ITPK1: variants seen among roughly 807,000 people sequenced by gnomAD.
ITPK1 encodes inositol-tetrakisphosphate 1-kinase.
In ITPK1, 21 loss-of-function variants were observed where a neutral mutation model predicts 45.3. That is an observed-to-expected ratio of 0.46 (90% CI 0.33 to 0.67). ITPK1 has a LOEUF of 0.67. Ranked by LOEUF, ITPK1 falls within the 30% of genes least tolerant of loss-of-function variation. ITPK1 has a pLI of 0.02. For missense variants in ITPK1, 474 were observed against 573.5 expected (o/e 0.83, Z 1.77); for synonymous variants, 258 against 253.6 (o/e 1.02, Z -0.16).
rs188954931 is a variant in ITPK1, at chr14:93,097,535, C to T, written c.95+17534G>A. On this transcript the variant is annotated intron_variant, in intron 2 of 10. Coordinates refer to ENST00000267615, the MANE Select transcript of ITPK1 (RefSeq NM_014216.6). ...GCAAGACCAGAGCTACGCAGCAAAG[C>T]CCACAGAACTGTGGGATGAAAAAAT... Among the ~76,000 whole-genome samples the T allele has an allele frequency of 2.0e-5, 3 of 152,328 alleles. No homozygotes were observed. The East Asian group carries it at 5.8e-4, about 29-fold the overall frequency.
Position 93,016,523 on chromosome 14 carries a change from C to G in ITPK1, c.246+153G>C, listed in dbSNP as rs56857003. On this transcript the variant is annotated intron_variant, in intron 4 of 10. Coordinates refer to ENST00000267615, the MANE Select transcript of ITPK1 (RefSeq NM_014216.6). The surrounding 1 kb of genome is among the most constrained non-coding windows in gnomAD (Gnocchi z 5.0). ...ACTGACGCCGCACAGAAGTACCTGC[C>G]CACGAGCCCATGTCTTGCCAGTGGC... Among the ~76,000 whole-genome samples, 38,523 of 152,104 alleles carry G rather than the reference C, an allele frequency of 0.25. 5,308 individuals are homozygous for G. Among genetic ancestry groups the G allele is most frequent in the Admixed American group, 0.35 (5,409 of 15,286 alleles).
chr14:92,985,056 AG>A (rs1283755898), intron 5 of ITPK1, among the ~76,000 whole-genome samples: 2 of 152,158 alleles, frequency 1.3e-5, no homozygotes, highest in Non-Finnish European at 2.9e-5. Flanking sequence ...ATGACGCACT[AG>A]GGAGGGACTG....
rs556434751 is a variant in ITPK1 at position 93,076,925 on chromosome 14, C to T, written c.96-306G>A. On this transcript the variant is annotated intron_variant, in intron 2 of 10. Coordinates refer to ENST00000267615, the MANE Select transcript of ITPK1 (RefSeq NM_014216.6). The surrounding 1 kb of genome is among the most constrained non-coding windows in gnomAD (Gnocchi z 4.3). ...CTGTCAGCCGAGCTCCAGCCTGGGT[C>T]GTCCCAAGGCCCCTGCCACCAAGTT... Among the ~76,000 whole-genome samples the T allele has an allele frequency of 2.6e-5, 4 of 152,272 alleles. No individual in the cohort carries two copies. Among genetic ancestry groups the T allele is most frequent in the East Asian group, 3.9e-4 (2 of 5,172 alleles).
intron 2 of ITPK1, among the ~76,000 whole-genome samples, chr14:93,111,258 G>C (rs1024996144): frequency 6.6e-6 from 1 of 152,222 alleles, no homozygotes; most frequent in Non-Finnish European, 1.5e-5. Context: ...AGGAGGAGAG[G>C]AGGAGGCACA....
intron 2 of ITPK1, among the ~76,000 whole-genome samples, chr14:93,082,240 GC>G (rs1891466124): frequency 1.3e-5 from 2 of 152,162 alleles, no homozygotes; most frequent in Admixed American, 6.5e-5. Context: ...GCAGACTGAG[GC>G]CCTGCGCCAG....
At chr14:93,015,502 T>G (rs2139853298) in intron 4 of ITPK1, among the ~76,000 whole-genome samples, 1 of 152,330 alleles carries the variant, frequency 6.6e-6, no homozygotes, top group South Asian at 2.1e-4. Flanking sequence ...ATAAGGAAAC[T>G]GAGGCTCCAC....
rs961882697 is a variant in ITPK1 at position 93,076,598 on chromosome 14, C to T, written c.117G>A (p.Val39=). The T allele has an allele frequency of 1.9e-6, 3 of 1,614,222 alleles. No individual in the cohort carries two copies. The highest frequency in any genetic ancestry group is 3.3e-5 in the Admixed American group (2 of 60,026). Residue 39 remains valine, a synonymous_variant, in exon 3 of 11, where the codon GTG becomes GTA. Transcript: ENST00000267615. The surrounding 1 kb of genome is among the most constrained non-coding windows in gnomAD (Gnocchi z 4.3). ...ELCRKRGMEV[V]QLNLSRPIEE... is the part of the protein sequence containing the mutation. ...CGGGGACGCGGTCTGTACTCACCTG[C>T]ACAACCTCCATCCCTCGCTTCCTGT...
chr14:92,948,481 C>T (rs1235045861), intron 9 of ITPK1, among the ~76,000 whole-genome samples: 4 of 152,010 alleles, frequency 2.6e-5, no homozygotes, highest in Non-Finnish European at 4.4e-5. Flanking sequence ...GGACTACAGG[C>T]GTGTGCCACC....
chr14:93,066,512 C>G (rs1890760551), intron 3 of ITPK1, among the ~76,000 whole-genome samples: 1 of 150,806 alleles, frequency 6.6e-6, no homozygotes, highest in Non-Finnish European at 1.5e-5. Context: ...TCGCGCCATT[C>G]TCCTGCCTCA....
intron 3 of ITPK1, chr14:93,072,107 A>T (rs950979010): frequency 5.3e-5 from 8 of 150,878 alleles, no homozygotes; most frequent in Admixed American, 4.0e-4. Flanking sequence ...CAGCCTGGTC[A>T]ACTGGTGAAA....
intron 3 of ITPK1, among the ~76,000 whole-genome samples, chr14:93,038,187 A>G (rs1889398957): frequency 6.6e-6 from 1 of 152,076 alleles, no homozygotes; most frequent in African/African-American, 2.4e-5. Context: ...GGTGTGAGCA[A>G]TCACACCCAG....
chr14:92,975,666 C>T lies in ITPK1; in HGVS notation c.365-12817G>A, dbSNP rs1238605114. 2.0e-5 allele frequency among the ~76,000 whole-genome samples: 3 copies of T among 152,170 alleles called. No homozygotes were observed. In the East Asian group the frequency reaches 5.8e-4, roughly 29 times the overall value. The stretch of plus-strand genomic sequence containing the variant: ...TGGAGCCTGTCCAATCAGTCAAAGG[C>T]CTGAATAGAACAAAAGGAAGGGTAA... On this transcript the variant is annotated intron_variant, in intron 5 of 10. Transcript: ENST00000267615.
rs1031095512 is a variant in ITPK1 at position 93,032,870 on chromosome 14, G to C, written c.121-16069C>G. Among the ~76,000 whole-genome samples, 2 of 152,192 alleles carry C rather than the reference G, an allele frequency of 1.3e-5. No homozygotes were observed. Among genetic ancestry groups the C allele is most frequent in the Non-Finnish European group, 2.9e-5 (2 of 68,028 alleles). On this transcript the variant is annotated intron_variant, in intron 3 of 10. Transcript: ENST00000267615. The surrounding 1 kb of genome is among the most constrained non-coding windows in gnomAD (Gnocchi z 4.0). ...GGAATCGGGTGACAAAGGCCAGCAC[G>C]GATCGGATCGTGCACCCTGCAAAGC...
In ITPK1 at chr14:92,939,513, TC is replaced by T; in HGVS notation, c.*2047del. ...GGCCCCTCCCTACCTCCCATGTAGC[TC>T]CCAGGCCTTTACGAAGCAAATCTCC... On this transcript the variant is annotated 3_prime_UTR_variant, in exon 11 of 11. Transcript: ENST00000267615. 1 of 228,628 alleles carries T rather than the reference TC, an allele frequency of 4.4e-6. No individual in the cohort carries two copies. Among genetic ancestry groups the T allele is most frequent in the Middle Eastern group, 2.2e-3 (1 of 460 alleles). The allele number at this position is 228,628 out of a possible 1,614,324, so 14.2% of individuals were successfully genotyped here.
chr14:92,977,878 A>T (rs1886029047), intron 5 of ITPK1, among the ~76,000 whole-genome samples: 1 of 151,956 alleles, frequency 6.6e-6, no homozygotes, highest in South Asian at 2.1e-4. Context: ...GAAAAATGGT[A>T]CCAGAGAAGT....
In ITPK1 at chr14:92,958,474, G is replaced by T; in HGVS notation, c.505-108C>A. On this transcript the variant is annotated intron_variant, in intron 7 of 10. Coordinates refer to ENST00000267615, the MANE Select transcript of ITPK1 (RefSeq NM_014216.6). The surrounding 1 kb of genome is among the most constrained non-coding windows in gnomAD (Gnocchi z 4.4). ...GCACCTCCACCAAGGCCCATCCCTG[G>T]TCCTGTGGCATGAGGACTCCCCTAG... 4 of 1,099,080 alleles carry T rather than the reference G, an allele frequency of 3.6e-6. No individual in the cohort carries two copies. The highest frequency in any genetic ancestry group is 5.3e-6 in the Non-Finnish European group (4 of 748,310). 68.1% of individuals were successfully genotyped at this position (1,099,080 alleles called of 1,614,324 possible). A position where few individuals can be genotyped will look rare whatever the true frequency, so the allele number is the denominator to read the frequency against.
At chr14:93,096,349 G>A (rs1194513345) in intron 2 of ITPK1, among the ~76,000 whole-genome samples, 2 of 152,154 alleles carry the variant, frequency 1.3e-5, no homozygotes, top group Non-Finnish European at 2.9e-5. Context: ...TTCATTTTCC[G>A]ATCCCAGATA....
At chr14:92,964,602 T>G (rs1209692126) in intron 5 of ITPK1, among the ~76,000 whole-genome samples, 1 of 152,214 alleles carries the variant, frequency 6.6e-6, no homozygotes, top group Non-Finnish European at 1.5e-5. Context: ...GGCCTGAATT[T>G]AAACTGGAGG....
intron 2 of ITPK1, among the ~76,000 whole-genome samples, chr14:93,093,620 G>A (rs976972073): frequency 2.6e-5 from 4 of 152,198 alleles, no homozygotes; most frequent in African/African-American, 4.8e-5. Context: ...TTCTGAGTCC[G>A]TGGATACAGA....
Sources: allele counts gnomAD v4.1 joint callset (sites outside exome capture counted in the v4.1 genomes callset), GRCh38; gene constraint gnomAD v4.1.1; non-coding constraint Gnocchi (gnomAD v3.1); transcripts MANE v1.5; gene names NCBI Gene and HGNC (gene_info 2026-07-23, HGNC 2026-07-21).